The following CHST11 variants were observed in gnomAD, a reference collection of about 807,000 sequenced individuals.
CHST11 encodes carbohydrate sulfotransferase 11.
CHST11 carries 9 observed loss-of-function variants against 30.4 expected under a neutral mutation model. That is an observed-to-expected ratio of 0.30 (90% CI 0.18 to 0.52). CHST11 has a LOEUF of 0.52. Ranked by LOEUF, CHST11 falls within the 20% of genes least tolerant of loss-of-function variation. The pLI is 0.97. For synonymous variants in CHST11, 152 were observed against 187.8 expected (o/e 0.81, Z 1.56); for missense variants, 348 against 460.6 (o/e 0.76, Z 2.24).
At position 104,615,563 on chromosome 12, in the gene CHST11, G is replaced by A. The variant is rs1028124794; in HGVS notation, c.204+13572G>A. On this transcript the variant is annotated intron_variant, in intron 2 of 2. Transcript: ENST00000303694. ...CGTGGGCTGAAATCCCAGCACCAGC[G>A]CCTGCCGGCTGTGTGATGTAGGAGA... Among the ~76,000 whole-genome samples the A allele has an allele frequency of 3.3e-5, 5 of 152,308 alleles. No individual in the cohort carries two copies. In the South Asian group the frequency reaches 6.2e-4, roughly 19 times the overall value.
chr12:104,716,686 A>G (rs531515330), intron 2 of CHST11, among the ~76,000 whole-genome samples: 2 of 152,308 alleles, frequency 1.3e-5, no homozygotes, highest in East Asian at 1.9e-4. Flanking sequence ...ATCGCTCCCA[A>G]CGTGCCTGGG....
intron 2 of CHST11, among the ~76,000 whole-genome samples, chr12:104,680,374 G>A (rs2039783142): frequency 6.6e-6 from 1 of 152,220 alleles, no homozygotes; most frequent in Non-Finnish European, 1.5e-5. Flanking sequence ...CAAGCCTGGT[G>A]GCTGGAAGAA....
chr12:104,698,618 T>C (rs1465423083), intron 2 of CHST11, among the ~76,000 whole-genome samples: 1 of 152,220 alleles, frequency 6.6e-6, no homozygotes, highest in East Asian at 1.9e-4. Context: ...GAATGTCTCC[T>C]GACCTTCCTT....
chr12:104,614,598 A>G (rs2039090232), intron 2 of CHST11, among the ~76,000 whole-genome samples: 1 of 152,044 alleles, frequency 6.6e-6, no homozygotes, highest in Non-Finnish European at 1.5e-5. Flanking sequence ...ATGACGTTGG[A>G]GGAGCATAGA....
chr12:104,640,164 T>A (rs2039361829), intron 2 of CHST11, among the ~76,000 whole-genome samples: 1 of 152,218 alleles, frequency 6.6e-6, no homozygotes, highest in East Asian at 1.9e-4. Flanking sequence ...GGAAGACAGT[T>A]TGGCAGTTTC....
chr12:104,629,470 C>T (rs2039251583), intron 2 of CHST11, among the ~76,000 whole-genome samples: 1 of 152,196 alleles, frequency 6.6e-6, no homozygotes, highest in African/African-American at 2.4e-5. Context: ...GTACAGATGC[C>T]CCTTGACTTA....
intron 1 of CHST11, among the ~76,000 whole-genome samples, chr12:104,558,219 C>T (rs565692646): frequency 1.3e-5 from 2 of 152,082 alleles, no homozygotes; most frequent in African/African-American, 4.8e-5. Context: ...GTGGGCATGC[C>T]AGGGCCAGAG....
chr12:104,559,114 C>T (rs151078314), intron 1 of CHST11, among the ~76,000 whole-genome samples: 116 of 151,832 alleles, frequency 7.6e-4, no homozygotes, highest in Middle Eastern at 3.4e-3. Flanking sequence ...GGAACAGGGA[C>T]GGTGTTGTCT....
chr12:104,494,832 G>T (rs1209846959), intron 1 of CHST11, among the ~76,000 whole-genome samples: 5 of 152,156 alleles, frequency 3.3e-5, no homozygotes, highest in Non-Finnish European at 7.3e-5. Flanking sequence ...AAAGCACAAT[G>T]TAAACTTTAC....
rs190094355 is a variant in CHST11 at position 104,675,551 on chromosome 12, G to A, written c.204+73560G>A. ...AAATAAATGAATGAATGAATGAACC[G>A]AACTAACAACCGCTGTTATGAGCCG... On this transcript the variant is annotated intron_variant, in intron 2 of 2. Coordinates refer to ENST00000303694, the MANE Select transcript of CHST11 (RefSeq NM_018413.6). Among the ~76,000 whole-genome samples, 275 of 152,284 alleles carry A rather than the reference G, an allele frequency of 1.8e-3. 1 individual carries two copies. Among genetic ancestry groups the A allele is most frequent in the African/African-American group, 5.8e-3 (241 of 41,556 alleles).
chr12:104,515,211 G>A (rs547656967), intron 1 of CHST11, among the ~76,000 whole-genome samples: 1 of 152,262 alleles, frequency 6.6e-6, no homozygotes, highest in African/African-American at 2.4e-5. Flanking sequence ...ATAAAGTTTC[G>A]CTGGAACTCA....
intron 2 of CHST11, among the ~76,000 whole-genome samples, chr12:104,717,494 C>G (rs1334903408): frequency 1.3e-5 from 2 of 152,108 alleles, no homozygotes; most frequent in Non-Finnish European, 2.9e-5. Flanking sequence ...GGCCAATAGG[C>G]TGGGCGCTGT....
In CHST11 at chr12:104,561,982, T is replaced by C. The variant is rs151323870; in HGVS notation, c.119-39924T>C. On this transcript the variant is annotated intron_variant, in intron 1 of 2. Coordinates refer to ENST00000303694, the MANE Select transcript of CHST11 (RefSeq NM_018413.6). The stretch of plus-strand genomic sequence containing the variant: ...AGGAGGGATTGGAACTTGGGAATGC[T>C]GGACTCCAGAGCTCATACCCTCAAT... 4.4e-3 allele frequency among the ~76,000 whole-genome samples: 675 copies of C among 152,202 alleles called. 5 individuals are homozygous for C. The highest frequency in any genetic ancestry group is 0.015 in the African/African-American group (640 of 41,528).
At chr12:104,731,485 G>A (rs1163378570) in intron 2 of CHST11, among the ~76,000 whole-genome samples, 2 of 152,192 alleles carry the variant, frequency 1.3e-5, no homozygotes, top group East Asian at 3.8e-4. Context: ...TTTATTTTGG[G>A]GGGATCAGAA....
intron 1 of CHST11, among the ~76,000 whole-genome samples, chr12:104,503,982 T>G (rs1397446933): frequency 6.6e-6 from 1 of 152,214 alleles, no homozygotes; most frequent in African/African-American, 2.4e-5. Context: ...CTCAGAAAGC[T>G]GGTGAAATGA....
At chr12:104,541,141 C>CAA (rs990748936) in intron 1 of CHST11, among the ~76,000 whole-genome samples, 3 of 141,872 alleles carry the variant, frequency 2.1e-5, no homozygotes, top group Non-Finnish European at 4.4e-5. Context: ...CACACACACA[C>CAA]ACACACACAC....
intron 1 of CHST11, among the ~76,000 whole-genome samples, chr12:104,531,952 A>ATG (rs2038189383): frequency 6.6e-6 from 1 of 152,222 alleles, no homozygotes; most frequent in Non-Finnish European, 1.5e-5. Context: ...AGTGAAGGAA[A>ATG]TGGAGGCTAG....
chr12:104,460,941 G>A (rs1033965440), intron 1 of CHST11, among the ~76,000 whole-genome samples: 2 of 152,102 alleles, frequency 1.3e-5, no homozygotes, highest in African/African-American at 2.4e-5. Context: ...TTTTAATCCC[G>A]ATGTTTTTTG....
At chr12:104,602,049 T>A in intron 2 of CHST11, 58 bp downstream of exon 2, 1 of 1,220,878 alleles carries the variant, frequency 8.2e-7, no homozygotes. Context: ...GTATGGATAC[T>A]AAAAACTCTA....
Sources: gnomAD v4.1 joint callset for allele counts (sites outside exome capture counted in the v4.1 genomes callset) on GRCh38, gnomAD v4.1.1 for gene constraint, MANE v1.5 for transcripts, NCBI Gene and HGNC (gene_info 2026-07-23, HGNC 2026-07-21) for gene names.